Variants in CCDC137 observed in about 807,000 individuals in gnomAD.
The protein encoded by CCDC137 is coiled-coil domain containing 137.
Under a neutral mutation model 30.4 loss-of-function variants are expected in CCDC137, and 24 were observed. That is an observed-to-expected ratio of 0.79 (90% CI 0.57 to 1.11). The LOEUF is 1.11. Among genes scored for constraint, CCDC137 ranks in the 50% least tolerant of loss-of-function variants. CCDC137 has a pLI of 0.00. For synonymous variants in CCDC137, 182 were observed against 155.7 expected, an observed-to-expected ratio of 1.17 and a Z score of -1.26; for missense variants, 417 against 380.4, an observed-to-expected ratio of 1.10 and a Z score of -0.80.
rs374379454 is a variant in CCDC137, at chr17:81,672,730, C to T, written c.*26C>T. 64 of 1,524,360 alleles carry T rather than the reference C, an allele frequency of 4.2e-5. No individual in the cohort carries two copies. The highest frequency in any genetic ancestry group is 2.3e-4 in the Middle Eastern group (1 of 4,294). The allele number at this position is 1,524,360 out of a possible 1,614,324, so 94.4% of individuals were successfully genotyped here. A position where few individuals can be genotyped will look rare whatever the true frequency, so the allele number is the denominator to read the frequency against. On this transcript the variant is annotated 3_prime_UTR_variant, in exon 6 of 6. Coordinates refer to ENST00000329214, the MANE Select transcript of CCDC137 (RefSeq NM_199287.3). ...TGGAGAGACACCCGGGGCCTGGCCACGCTCTGGGGCAACTGGCACCAGGAG... is the reference window on the plus strand; with the variant it reads ...TGGAGAGACACCCGGGGCCTGGCCATGCTCTGGGGCAACTGGCACCAGGAG...
chr17:81,667,752 GC>G lies in CCDC137; in HGVS notation c.159del (p.Cys53Ter). ...LRSKEKKKVN[C>X]KPKNQDEQEI... is the part of the protein sequence containing the mutation. ...AGCAAAGAGAAGAAGAAAGTGAACT[GC>G]AAGCCCAAGAACCAGGACGAACAGG... On this transcript the variant is annotated frameshift_variant, in exon 2 of 6. Transcript: ENST00000329214. LOFTEE classifies it high-confidence loss of function. The G allele has an allele frequency of 1.2e-6, 2 of 1,613,832 alleles. No homozygotes were observed. Among genetic ancestry groups the G allele is most frequent in the Non-Finnish European group, 1.7e-6 (2 of 1,180,002 alleles).
chr17:81,672,584 T>A lies in CCDC137; in HGVS notation c.750T>A (p.Ile250=). Reference sequence around the variant, plus strand: ...CCGCCTCCCTGGCCCGCCAGCGGATTGTGGAGGAGGAGAGAGAGCGGGCCG... The same window carrying A: ...CCGCCTCCCTGGCCCGCCAGCGGATAGTGGAGGAGGAGAGAGAGCGGGCCG... ...PLTASLARQR[I]VEEERERAVQ... Residue 250 remains isoleucine (I), a synonymous_variant, in exon 6 of 6, where the codon ATT becomes ATA. Transcript: ENST00000329214. The A allele has an allele frequency of 6.3e-7, 1 of 1,583,224 alleles. No individual in the cohort carries two copies. The highest frequency in any genetic ancestry group is 8.6e-7 in the Non-Finnish European group (1 of 1,165,530).
intron 2 of CCDC137, 90 bp downstream of exon 2, chr17:81,667,952 G>A: frequency 6.9e-7 from 1 of 1,458,520 alleles, no homozygotes; most frequent in Admixed American, 2.3e-5. Flanking sequence ...TTCAGGCAGA[G>A]GAAATATGCC....
rs765002481 is a variant in CCDC137 at position 81,670,221 on chromosome 17, T to C, written c.269-4T>C. 4.3e-6 allele frequency: 7 copies of C among 1,612,676 alleles called. No homozygotes were observed. The East Asian group carries it at 1.6e-4, about 36-fold the overall frequency. On this transcript the variant is annotated splice_region_variant and splice_polypyrimidine_tract_variant and intron_variant, in intron 2 of 5. Coordinates refer to ENST00000329214, the MANE Select transcript of CCDC137 (RefSeq NM_199287.3). Reference sequence around the variant, plus strand: ...CCTCCTCTGAGGCCTCCCTTTGTCCTCAGCCCAGGTGACCTTCAGAAAGAC... The same window carrying C: ...CCTCCTCTGAGGCCTCCCTTTGTCCCCAGCCCAGGTGACCTTCAGAAAGAC...
Position 81,666,780 on chromosome 17 carries a change from G to C in CCDC137, c.14G>C (p.Gly5Ala), listed in dbSNP as rs1049510200. 3 of 1,468,618 alleles carry C rather than the reference G, an allele frequency of 2.0e-6. No individual in the cohort carries two copies. The African/African-American group carries it at 4.4e-5, about 22-fold the overall frequency. The allele number at this position is 1,468,618 out of a possible 1,614,324, so 91.0% of individuals were successfully genotyped here. A position where few individuals can be genotyped will look rare whatever the true frequency, so the allele number is the denominator to read the frequency against. Reference protein sequence around the residue: MAGAGRGAAVSRVQA... With the variant: MAGAARGAAVSRVQA... Reference sequence around the variant, plus strand: ...CCCGGCGTGGAGATGGCGGGAGCTGGTCGCGGAGCAGCGGTGTCCAGGGTG... The same window carrying C: ...CCCGGCGTGGAGATGGCGGGAGCTGCTCGCGGAGCAGCGGTGTCCAGGGTG... Residue 5 changes from glycine to alanine, a missense_variant, in exon 1 of 6, where the codon GGT (glycine) becomes GCT (alanine). Transcript: ENST00000329214.
rs554094393 is a variant in CCDC137 at position 81,667,024 on chromosome 17, T to C, written c.134+124T>C. ...CTTCCCCAGGTCGGGCTCAGTGCCCTCCTCTGTCTGTGCCCGCGGCCCACG... is the reference window on the plus strand; with the variant it reads ...CTTCCCCAGGTCGGGCTCAGTGCCCCCCTCTGTCTGTGCCCGCGGCCCACG... On this transcript the variant is annotated intron_variant, in intron 1 of 5. Coordinates refer to ENST00000329214, the MANE Select transcript of CCDC137 (RefSeq NM_199287.3). The C allele has an allele frequency of 3.0e-5, 31 of 1,036,576 alleles. No homozygotes were observed. The African/African-American group carries it at 3.2e-4, about 11-fold the overall frequency. 64.2% of individuals were successfully genotyped at this position (1,036,576 alleles called of 1,614,324 possible).
chr17:81,668,783 C>T (rs979585419), intron 2 of CCDC137, among the ~76,000 whole-genome samples: 1 of 152,166 alleles, frequency 6.6e-6, no homozygotes, highest in East Asian at 1.9e-4. Flanking sequence ...TCACTGCAAC[C>T]TCCACCTCCT....
chr17:81,666,936 C>G, intron 1 of CCDC137, 36 bp downstream of exon 1: 1 of 1,246,988 alleles, frequency 8.0e-7, no homozygotes, highest in Non-Finnish European at 1.0e-6. Context: ...CCACACTTCC[C>G]CAGAGAAGGG....
intron 1 of CCDC137, 72 bp from the exon 2 acceptor site, chr17:81,667,657 C>G: frequency 6.3e-7 from 1 of 1,575,090 alleles, no homozygotes; most frequent in Non-Finnish European, 8.7e-7. Context: ...CCAGACCCAA[C>G]TATTGTTTCT....
In CCDC137 at chr17:81,673,090, C is replaced by T. The variant is rs1137358; in HGVS notation, c.*386C>T. The T allele has an allele frequency of 0.015, 3,711 of 251,614 alleles. 41 individuals carry two copies. The highest frequency in any genetic ancestry group is 0.026 in the South Asian group (468 of 17,778). The allele number at this position is 251,614 out of a possible 1,614,324, so 15.6% of individuals were successfully genotyped here. ...CCGGGAGTCAGCAGAGCCGAGCGTA[C>T]AGTGCACATCAGGCAGAGCAGGCCA... On this transcript the variant is annotated 3_prime_UTR_variant, in exon 6 of 6. Transcript: ENST00000329214.
chr17:81,667,471 G>A (rs1218130806), intron 1 of CCDC137, among the ~76,000 whole-genome samples: 2 of 152,000 alleles, frequency 1.3e-5, no homozygotes, highest in African/African-American at 4.8e-5. Flanking sequence ...GGGACTACAG[G>A]CGCCCGCCAC....
intron 1 of CCDC137, 61 bp from the exon 2 acceptor site, chr17:81,667,668 C>G (rs937214453): frequency 1.3e-6 from 2 of 1,593,716 alleles, no homozygotes; most frequent in Non-Finnish European, 1.7e-6. Context: ...TATTGTTTCT[C>G]TTACTGATTC....
chr17:81,671,541 A>C (rs1211491139), intron 3 of CCDC137: 2 of 571,514 alleles, frequency 3.5e-6, no homozygotes, highest in South Asian at 4.1e-5. Flanking sequence ...GGGACCTGTG[A>C]GGGGCCTGTT....
At position 81,672,112 on chromosome 17, in the gene CCDC137, C is replaced by T. The variant is rs373936708; in HGVS notation, c.617C>T (p.Pro206Leu). The change falls in exon 5 of 6, where the codon CCA becomes CTA. Residue 206 changes from proline to leucine, a missense_variant. Transcript: ENST00000329214. Reference protein sequence around the residue: ...VKFGEVVLQPPELTARPQRSV... With the variant: ...VKFGEVVLQPLELTARPQRSV... ...TTTGGTGAGGTTGTCCTGCAGCCCC[C>T]AGAGCTGACTGCCAGGCCCCAGAGG... 1 of 1,614,114 alleles carries T rather than the reference C, an allele frequency of 6.2e-7. No homozygotes were observed. Among genetic ancestry groups the T allele is most frequent in the Non-Finnish European group, 8.5e-7 (1 of 1,180,010 alleles).
In CCDC137 at chr17:81,667,840, T is replaced by C. The variant is rs775902858; in HGVS notation, c.246T>C (p.Ser82=). ...RSRQEMKNPI[S]NKKRKKAAQV... is the part of the protein sequence containing the mutation. ...GCCAAGAGATGAAAAACCCGATCAG[T>C]AACAAGAAGAGGAAGAAAGCAGGTG... Residue 82 remains serine (S), a synonymous_variant, in exon 2 of 6, where the codon AGT becomes AGC. Coordinates refer to ENST00000329214, the MANE Select transcript of CCDC137 (RefSeq NM_199287.3). 3 of 1,611,836 alleles carry C rather than the reference T, an allele frequency of 1.9e-6. No homozygotes were observed. In the South Asian group the frequency reaches 3.3e-5, roughly 18 times the overall value.
Position 81,672,087 on chromosome 17 carries a change from T to C in CCDC137, c.592T>C (p.Phe198Leu). 1 of 1,613,816 alleles carries C rather than the reference T, an allele frequency of 6.2e-7. No individual in the cohort carries two copies. Among genetic ancestry groups the C allele is most frequent in the Non-Finnish European group, 8.5e-7 (1 of 1,179,922 alleles). ...EQELLRDTVK[F>L]GEVVLQPPEL... ...TTCTGCTCCTCCAGACACGGTGAAG[T>C]TTGGTGAGGTTGTCCTGCAGCCCCC... is the stretch of plus-strand genomic sequence containing the variant. The change falls in exon 5 of 6, where the codon TTT becomes CTT. Residue 198 changes from phenylalanine to leucine, a missense_variant. Coordinates refer to ENST00000329214, the MANE Select transcript of CCDC137 (RefSeq NM_199287.3).
chr17:81,671,687 C>T (rs1320226272), intron 3 of CCDC137, 57 bp from the exon 4 acceptor site: 27 of 1,584,050 alleles, frequency 1.7e-5, no homozygotes, highest in Admixed American at 6.8e-5. Flanking sequence ...GCCTCTGCCT[C>T]CTCCCTGGGT....
rs2036753318 is a variant in CCDC137 at position 81,673,895 on chromosome 17, T to TA, written c.*1195dup. The TA allele has an allele frequency of 6.6e-6, 1 of 152,216 alleles. No individual in the cohort carries two copies. The highest frequency in any genetic ancestry group is 2.1e-4 in the South Asian group (1 of 4,830). 9.4% of individuals were successfully genotyped at this position (152,216 alleles called of 1,614,324 possible). A position where few individuals can be genotyped will look rare whatever the true frequency, so the allele number is the denominator to read the frequency against. ...TCGACATTAAAGTTTACTTTTTAGT[T>TA]AAAAGTTTTAAATTGGAGAATATAT... On this transcript the variant is annotated 3_prime_UTR_variant, in exon 6 of 6. Transcript: ENST00000329214.
At position 81,672,863 on chromosome 17, in the gene CCDC137, G is replaced by A; in HGVS notation, c.*159G>A. Reference sequence around the variant, plus strand: ...CTAGTGGGTCCACATCTTGCAGGGGGTGAGTGCCCGATGGACTAGGGCCAA... The same window carrying A: ...CTAGTGGGTCCACATCTTGCAGGGGATGAGTGCCCGATGGACTAGGGCCAA... On this transcript the variant is annotated 3_prime_UTR_variant, in exon 6 of 6. Transcript: ENST00000329214. 1 of 696,942 alleles carries A rather than the reference G, an allele frequency of 1.4e-6. No homozygotes were observed. The highest frequency in any genetic ancestry group is 2.3e-6 in the Non-Finnish European group (1 of 426,180). 43.2% of individuals were successfully genotyped at this position (696,942 alleles called of 1,614,324 possible).
Sources: gnomAD v4.1 joint callset for allele counts (sites outside exome capture counted in the v4.1 genomes callset) on GRCh38, gnomAD v4.1.1 for gene constraint, MANE v1.5 for transcripts, NCBI Gene and HGNC (gene_info 2026-07-23, HGNC 2026-07-21) for gene names.